USH2A: variants seen among roughly 807,000 people sequenced by gnomAD.
USH2A encodes the protein Usher syndrome 2A (autosomal recessive, mild).
USH2A carries 443 observed loss-of-function variants against 538.9 expected under a neutral mutation model. That is an observed-to-expected ratio of 0.82 (90% CI 0.76 to 0.89). The LOEUF is 0.89. Among genes scored for constraint, USH2A ranks in the 40% least tolerant of loss-of-function variants. The pLI, the probability that USH2A is intolerant of heterozygous loss-of-function variation, is 0.00. For synonymous variants in USH2A, 2,413 were observed against 2,273.5 expected (o/e 1.06, Z -1.75); for missense variants, 6,633 against 6,324.8 (o/e 1.05, Z -1.65).
intron 3 of USH2A, among the ~76,000 whole-genome samples, chr1:216,413,717 G>GT (rs1277882117): frequency 1.3e-5 from 2 of 151,954 alleles, no homozygotes; most frequent in Admixed American, 1.3e-4. Context: ...AATTGTCAAT[G>GT]TATCAAGGAG....
chr1:215,864,271 T>A (rs1427149070), intron 44 of USH2A, among the ~76,000 whole-genome samples: 2 of 152,222 alleles, frequency 1.3e-5, no homozygotes, highest in Non-Finnish European at 2.9e-5. Flanking sequence ...CTTTCTATAA[T>A]TTTTGGTAAG....
intron 47 of USH2A, among the ~76,000 whole-genome samples, chr1:215,822,841 C>T (rs1178961247): frequency 6.6e-6 from 1 of 151,938 alleles, no homozygotes; most frequent in Non-Finnish European, 1.5e-5. Context: ...TGAATTTTAT[C>T]AAATGCTTTT....
At chr1:216,306,580 C>T (rs990036511) in intron 9 of USH2A, among the ~76,000 whole-genome samples, 2 of 152,052 alleles carry the variant, frequency 1.3e-5, no homozygotes, top group Non-Finnish European at 2.9e-5. Flanking sequence ...TAATAAAGAA[C>T]CTTGTTTTGT....
At chr1:216,342,295 T>C (rs1461863704) in intron 4 of USH2A, among the ~76,000 whole-genome samples, 1 of 152,070 alleles carries the variant, frequency 6.6e-6, no homozygotes, top group Non-Finnish European at 1.5e-5. Context: ...TGAGATACTA[T>C]CTCATTTCAG....
intron 50 of USH2A, among the ~76,000 whole-genome samples, chr1:215,796,344 G>A (rs538695278): frequency 1.3e-5 from 2 of 151,982 alleles, no homozygotes; most frequent in East Asian, 3.9e-4. Context: ...GCACGTGTTC[G>A]CTTCGTGTCT....
chr1:215,823,179 T>G (rs1663061029), intron 47 of USH2A, among the ~76,000 whole-genome samples: 1 of 152,084 alleles, frequency 6.6e-6, no homozygotes, highest in Admixed American at 6.6e-5. Context: ...GTTTTTTATG[T>G]CTTGCAGTTT....
At chr1:215,746,977 A>T (rs1660490195) in intron 58 of USH2A, among the ~76,000 whole-genome samples, 1 of 152,206 alleles carries the variant, frequency 6.6e-6, no homozygotes, top group African/African-American at 2.4e-5. Context: ...CTAAAAGTTC[A>T]AGATTAGAGA....
At chr1:215,955,410 C>T (rs1264343881) in intron 37 of USH2A, among the ~76,000 whole-genome samples, 3 of 152,158 alleles carry the variant, frequency 2.0e-5, no homozygotes, top group Non-Finnish European at 4.4e-5. Context: ...GAGAAAATTT[C>T]TCTACTCAAC....
intron 64 of USH2A, among the ~76,000 whole-genome samples, chr1:215,665,415 G>A (rs1657575840): frequency 6.6e-6 from 1 of 152,154 alleles, no homozygotes; most frequent in Non-Finnish European, 1.5e-5. Flanking sequence ...ATCTGTCAAA[G>A]TGAGATAGTT....
intron 67 of USH2A, among the ~76,000 whole-genome samples, chr1:215,643,687 G>A (rs1025988919): frequency 6.6e-6 from 1 of 151,712 alleles, no homozygotes; most frequent in African/African-American, 2.4e-5. Flanking sequence ...CACCATACCT[G>A]GCTATTTAAA....
chr1:215,968,329 GT>G (rs1228577155), intron 36 of USH2A, among the ~76,000 whole-genome samples: 5 of 151,454 alleles, frequency 3.3e-5, no homozygotes, highest in Non-Finnish European at 5.9e-5. Context: ...ATCATTGTGG[GT>G]TTTTTTTGTT....
chr1:216,049,661 T>C (rs2030672260), intron 30 of USH2A, among the ~76,000 whole-genome samples: 1 of 152,176 alleles, frequency 6.6e-6, no homozygotes, highest in African/African-American at 2.4e-5. Flanking sequence ...ATGACAGCTT[T>C]CATCATTCAA....
intron 70 of USH2A, among the ~76,000 whole-genome samples, chr1:215,629,431 C>A (rs1401380120): frequency 6.6e-6 from 1 of 152,060 alleles, no homozygotes; most frequent in Non-Finnish European, 1.5e-5. Flanking sequence ...CACAGAGCCT[C>A]CCTCTTGAGA....
chr1:215,901,058 A>G lies in USH2A; in HGVS notation c.7301-153T>C. ...TTTAATTTAACATTTTCATTCCTGA[A>G]CTCCTGTACTTCCTTATTGTTCATT... On this transcript the variant is annotated intron_variant, in intron 38 of 71. Coordinates refer to ENST00000307340, the MANE Select transcript of USH2A (RefSeq NM_206933.4). 4 of 903,572 alleles carry G rather than the reference A, an allele frequency of 4.4e-6. No homozygotes were observed. The South Asian group carries it at 5.9e-5, about 13-fold the overall frequency. The allele number at this position is 903,572 out of a possible 1,614,324, so 56.0% of individuals were successfully genotyped here. A position where few individuals can be genotyped will look rare whatever the true frequency, so the allele number is the denominator to read the frequency against.
intron 9 of USH2A, among the ~76,000 whole-genome samples, chr1:216,295,940 T>C (rs1231272684): frequency 6.6e-6 from 1 of 152,054 alleles, no homozygotes. Flanking sequence ...CATTGGAACA[T>C]ACACTAGTCA....
chr1:216,065,751 C>T (rs1232646958), intron 30 of USH2A, among the ~76,000 whole-genome samples: 1 of 151,660 alleles, frequency 6.6e-6, no homozygotes, highest in African/African-American at 2.4e-5. Flanking sequence ...ACAAAAGTTA[C>T]CCTGGCGTGG....
intron 33 of USH2A, 70 bp downstream of exon 33, chr1:216,000,333 C>G (rs919632786): frequency 4.4e-5 from 70 of 1,592,920 alleles, no homozygotes; most frequent in Non-Finnish European, 5.3e-5. Context: ...GTCACAAGCT[C>G]CTCCCCTGAT....
chr1:215,770,943 A>G (rs971022031), intron 55 of USH2A, among the ~76,000 whole-genome samples: 1 of 61,086 alleles, frequency 1.6e-5, no homozygotes, highest in South Asian at 4.2e-4. Flanking sequence ...CGTCTCTACT[A>G]AAAAAAAAAA....
intron 37 of USH2A, among the ~76,000 whole-genome samples, chr1:215,940,521 C>A (rs1666606994): frequency 6.6e-6 from 1 of 152,012 alleles, no homozygotes; most frequent in African/African-American, 2.4e-5. Context: ...TGGTAGGAAT[C>A]TGAAAGGTGC....
Sources: allele counts gnomAD v4.1 joint callset (sites outside exome capture counted in the v4.1 genomes callset), GRCh38; gene constraint gnomAD v4.1.1; transcripts MANE v1.5; gene names NCBI Gene and HGNC (gene_info 2026-07-23, HGNC 2026-07-21).